Variants in IQSEC1 observed in about 807,000 individuals in gnomAD.
IQSEC1 encodes the protein IQ motif and Sec7 domain ArfGEF 1, also known as IQ motif and SEC7 domain-containing protein 1.
A neutral mutation model predicts 91.0 loss-of-function variants in IQSEC1; 31 were observed. The ratio of observed to expected loss-of-function variants is 0.34; its 90% CI spans 0.26 to 0.46. The LOEUF (loss-of-function observed/expected upper bound fraction) is 0.46, where lower values mean the gene tolerates loss of function less well. Ranked by LOEUF, IQSEC1 falls within the 20% of genes least tolerant of loss-of-function variation. IQSEC1 has a pLI of 1.00. For missense variants in IQSEC1, 1,388 were observed against 1,575.6 expected (o/e 0.88, Z 2.02); for synonymous variants, 699 against 662.6 (o/e 1.05, Z -0.84).
intron 6 of IQSEC1, among the ~76,000 whole-genome samples, chr3:12,917,211 T>C (rs1309541592): frequency 6.6e-6 from 1 of 152,098 alleles, no homozygotes; most frequent in Non-Finnish European, 1.5e-5. Context: ...ACCAGAGTGC[T>C]CCATTGGCAC....
At chr3:13,230,852 A>AT in intron 1 of IQSEC1, among the ~76,000 whole-genome samples, 1 of 152,320 alleles carries the variant, frequency 6.6e-6, no homozygotes, top group East Asian at 1.9e-4. Context: ...GCTGTTACCC[A>AT]TTGGTCCTCT....
chr3:13,018,702 C>T (rs1197138867), intron 1 of IQSEC1, among the ~76,000 whole-genome samples: 1 of 152,170 alleles, frequency 6.6e-6, no homozygotes, highest in Non-Finnish European at 1.5e-5. Context: ...TCCAGAACTA[C>T]TGTATCCCCA....
intron 2 of IQSEC1, among the ~76,000 whole-genome samples, chr3:13,131,980 G>C (rs1317401865): frequency 1.3e-5 from 2 of 152,112 alleles, no homozygotes; most frequent in East Asian, 1.9e-4. Context: ...TCTAGCATCA[G>C]TGTCTGTTTT....
intron 2 of IQSEC1, among the ~76,000 whole-genome samples, chr3:13,120,269 A>T (rs1423671928): frequency 6.6e-6 from 1 of 152,128 alleles, no homozygotes; most frequent in East Asian, 1.9e-4. Flanking sequence ...ACCACTCAGT[A>T]AGGTGGTGAC....
At chr3:13,161,580 G>A (rs1183450000) in intron 2 of IQSEC1, among the ~76,000 whole-genome samples, 1 of 152,182 alleles carries the variant, frequency 6.6e-6, no homozygotes, top group Non-Finnish European at 1.5e-5. Flanking sequence ...TGGCAGCCAA[G>A]TCGTCAGCTG....
intron 12 of IQSEC1, among the ~76,000 whole-genome samples, chr3:12,903,164 A>G (rs971399435): frequency 1.3e-5 from 2 of 152,308 alleles, no homozygotes; most frequent in African/African-American, 2.4e-5. Flanking sequence ...GACGCCCCCA[A>G]CTTGTGTGTT....
At chr3:13,272,528 G>T (rs1436164049) in intron 1 of IQSEC1, among the ~76,000 whole-genome samples, 1 of 152,250 alleles carries the variant, frequency 6.6e-6, no homozygotes, top group African/African-American at 2.4e-5. Context: ...TTAGCCCAGA[G>T]ACTGGCTCAC....
chr3:13,175,281 A>G (rs557163189), intron 1 of IQSEC1, among the ~76,000 whole-genome samples: 26 of 150,516 alleles, frequency 1.7e-4, no homozygotes, highest in African/African-American at 6.3e-4. Context: ...ATGCACCTCC[A>G]CTCTAGGTGG....
At chr3:13,160,349 C>T (rs1005541504) in intron 2 of IQSEC1, among the ~76,000 whole-genome samples, 1 of 152,034 alleles carries the variant, frequency 6.6e-6, no homozygotes, top group African/African-American at 2.4e-5. Flanking sequence ...TTGGTAGAGA[C>T]GGGGTCCGGC....
chr3:13,045,743 G>T (rs955637521), intron 1 of IQSEC1, among the ~76,000 whole-genome samples: 2 of 152,248 alleles, frequency 1.3e-5, no homozygotes, highest in Non-Finnish European at 2.9e-5. Context: ...TGGCGCCCGT[G>T]GCATGGGTGG....
rs137951988 is a variant in IQSEC1, at chr3:12,985,923, C to T, written c.24-44058G>A. Among the ~76,000 whole-genome samples the T allele has an allele frequency of 1.1e-3, 175 of 152,256 alleles. 3 individuals carry two copies. The South Asian group carries it at 0.019, about 16-fold the overall frequency. On this transcript the variant is annotated intron_variant, in intron 1 of 13. Transcript: ENST00000613206. ...CAGGCAGAAAAGAAAGAGACAGGAG[C>T]TCAGAATTTCAGAAGATGAAGGGAC...
chr3:12,902,921 C>G lies in IQSEC1; in HGVS notation c.2756-99G>C, dbSNP rs923754576. The G allele has an allele frequency of 8.7e-6, 8 of 918,272 alleles. No homozygotes were observed. The African/African-American group carries it at 1.1e-4, about 13-fold the overall frequency. The allele number at this position is 918,272 out of a possible 1,614,324, so 56.9% of individuals were successfully genotyped here. ...TGCTGCCACGGAGCCTGCACCCCTG[C>G]TGGGAGCAGGCACAGGTGCCGGGCC... On this transcript the variant is annotated intron_variant, in intron 12 of 13. Coordinates refer to ENST00000613206, the MANE Select transcript of IQSEC1 (RefSeq NM_001134382.3).
chr3:12,978,720 T>TA lies in IQSEC1; in HGVS notation c.24-36856dup, dbSNP rs200011610. ...GCTCAGTCTCAAAAAAAAAAATAAA[T>TA]AAATAAAAAAGAATCTTTGCACAAC... On this transcript the variant is annotated intron_variant, in intron 1 of 13. Coordinates refer to ENST00000613206, the MANE Select transcript of IQSEC1 (RefSeq NM_001134382.3). Among the ~76,000 whole-genome samples the TA allele has an allele frequency of 8.5e-3, 1,274 of 149,686 alleles. 17 individuals are homozygous for TA. Among genetic ancestry groups the TA allele is most frequent in the African/African-American group, 0.03 (1,220 of 40,478 alleles).
intron 1 of IQSEC1, among the ~76,000 whole-genome samples, chr3:13,230,686 A>G (rs1292478421): frequency 6.6e-6 from 1 of 152,180 alleles, no homozygotes; most frequent in Non-Finnish European, 1.5e-5. Context: ...ACTTGCTAAA[A>G]ATTTCCATGG....
chr3:13,040,744 C>T (rs1704230635), intron 1 of IQSEC1, among the ~76,000 whole-genome samples: 1 of 152,202 alleles, frequency 6.6e-6, no homozygotes, highest in Non-Finnish European at 1.5e-5. Flanking sequence ...CATGTGGTTT[C>T]CCCTCTGTCT....
At chr3:13,229,471 T>C (rs1244673219) in intron 1 of IQSEC1, among the ~76,000 whole-genome samples, 1 of 152,114 alleles carries the variant, frequency 6.6e-6, no homozygotes, top group African/African-American at 2.4e-5. Context: ...GTGCAAGAGA[T>C]GAATGCCCAA....
At chr3:12,947,493 C>T (rs971957086) in intron 1 of IQSEC1, among the ~76,000 whole-genome samples, 8 of 152,092 alleles carry the variant, frequency 5.3e-5, no homozygotes, top group South Asian at 2.1e-4. Context: ...CACCTGATCT[C>T]GTGTGCAGTC....
chr3:13,177,792 C>T (rs2125012383), intron 1 of IQSEC1, among the ~76,000 whole-genome samples: 1 of 152,358 alleles, frequency 6.6e-6, no homozygotes, highest in African/African-American at 2.4e-5. Context: ...GGCCATGCTG[C>T]AAGTCCCAGG....
rs879684547 is a variant in IQSEC1, at chr3:12,899,316, G to C, written c.*1667C>G. 9.7e-6 allele frequency: 15 copies of C among 1,540,752 alleles called. No individual in the cohort carries two copies. In the African/African-American group the frequency reaches 1.8e-4, roughly 18 times the overall value. On this transcript the variant is annotated 3_prime_UTR_variant, in exon 14 of 14. Coordinates refer to ENST00000613206, the MANE Select transcript of IQSEC1 (RefSeq NM_001134382.3). The stretch of plus-strand genomic sequence containing the variant: ...CGCGGCCCCGCGGCCCGCAGAGTCA[G>C]GCGTGAGCTTCGCCCTTTCTGAAAG...
Sources: allele counts gnomAD v4.1 joint callset (sites outside exome capture counted in the v4.1 genomes callset), GRCh38; gene constraint gnomAD v4.1.1; transcripts MANE v1.5; gene names NCBI Gene and HGNC (gene_info 2026-07-23, HGNC 2026-07-21).